The following RBBP8 variants were observed in gnomAD, a reference collection of about 807,000 sequenced individuals.
RBBP8 encodes DNA endonuclease RBBP8.
RBBP8 carries 88 observed loss-of-function variants against 108.3 expected under a neutral mutation model. That is an observed-to-expected ratio of 0.81 (90% CI 0.68 to 0.97). The LOEUF (loss-of-function observed/expected upper bound fraction) is 0.97, where lower values mean the gene tolerates loss of function less well. Among genes scored for constraint, RBBP8 ranks in the 50% least tolerant of loss-of-function variants. The pLI is 0.00. For synonymous variants in RBBP8, 332 were observed against 348.2 expected, an observed-to-expected ratio of 0.95 and a Z score of 0.52; for missense variants, 1,023 against 1,049.0, an observed-to-expected ratio of 0.98 and a Z score of 0.34.
At chr18:22,959,801 G>GCTAGATAGCTTTTGCTTTTCCCCCTCAA (rs1912913748) in intron 4 of RBBP8, among the ~76,000 whole-genome samples, 1 of 150,018 alleles carries the variant, frequency 6.7e-6, no homozygotes, top group South Asian at 2.1e-4. Flanking sequence ...TTCCAGGAAT[G>GCTAGATAGCTTTTGCTTTTCCCCCTCAA]CTAGATAGCT....
At chr18:22,951,386 A>G (rs1208790983) in intron 4 of RBBP8, among the ~76,000 whole-genome samples, 1 of 152,244 alleles carries the variant, frequency 6.6e-6, no homozygotes, top group Admixed American at 6.5e-5. Context: ...ACGACAAACA[A>G]ATGAGACAAT....
intron 17 of RBBP8, among the ~76,000 whole-genome samples, chr18:23,018,473 G>A (rs1400620163): frequency 1.3e-5 from 2 of 152,176 alleles, no homozygotes; most frequent in Non-Finnish European, 2.9e-5. Flanking sequence ...TTGTATCTGT[G>A]GGAAACTGGC....
At chr18:22,943,529 A>G (rs931324116) in intron 2 of RBBP8, among the ~76,000 whole-genome samples, 1 of 152,108 alleles carries the variant, frequency 6.6e-6, no homozygotes, top group Non-Finnish European at 1.5e-5. Context: ...ATCCACAAAA[A>G]TTAATTTACC....
intron 14 of RBBP8, 124 bp downstream of exon 14, chr18:22,997,858 A>G (rs1269212260): frequency 5.5e-6 from 4 of 728,072 alleles, no homozygotes; most frequent in Non-Finnish European, 9.9e-6. Context: ...CTGCTCTGTT[A>G]ACTTTATGTT....
intron 4 of RBBP8, among the ~76,000 whole-genome samples, chr18:22,954,146 T>C (rs774193500): frequency 6.6e-6 from 1 of 152,128 alleles, no homozygotes; most frequent in Non-Finnish European, 1.5e-5. Context: ...CCAAATCTCA[T>C]GTCCTCGCAT....
intron 2 of RBBP8, among the ~76,000 whole-genome samples, chr18:22,941,585 G>A (rs943642718): frequency 6.6e-6 from 1 of 152,060 alleles, no homozygotes; most frequent in Admixed American, 6.5e-5. Context: ...GAAGCATCAA[G>A]AAACAAATGG....
At chr18:23,001,559 G>A in intron 14 of RBBP8, 27 bp from the exon 15 acceptor site, 2 of 1,613,886 alleles carry the variant, frequency 1.2e-6, no homozygotes, top group Non-Finnish European at 1.7e-6. Context: ...CTTGCTTATT[G>A]CCCTAAGCCA....
chr18:23,023,115 C>T (rs1039118015), intron 18 of RBBP8, among the ~76,000 whole-genome samples: 1 of 151,608 alleles, frequency 6.6e-6, no homozygotes, highest in African/African-American at 2.4e-5. Context: ...TCAGGCTGGT[C>T]GTGAACTCCT....
chr18:22,926,120 TC>T (rs1186123042), intron 3 of RBBP8, among the ~76,000 whole-genome samples: 2 of 152,170 alleles, frequency 1.3e-5, no homozygotes, highest in African/African-American at 4.8e-5. Flanking sequence ...GGTGTCCCTT[TC>T]CATTCATAAG....
chr18:22,937,060 C>A, intron 2 of RBBP8, 100 bp downstream of exon 2: 1 of 1,547,576 alleles, frequency 6.5e-7, no homozygotes, highest in South Asian at 1.2e-5. Context: ...TCTATTTCAG[C>A]TTTTAGGTTC....
intron 9 of RBBP8, among the ~76,000 whole-genome samples, chr18:22,990,184 G>T (rs987517768): frequency 6.6e-6 from 1 of 152,150 alleles, no homozygotes; most frequent in Non-Finnish European, 1.5e-5. Context: ...TAGATTAAGG[G>T]AGCTGAAATC....
intron 4 of RBBP8, among the ~76,000 whole-genome samples, chr18:22,960,629 T>A (rs1913013712): frequency 6.6e-6 from 1 of 152,174 alleles, no homozygotes; most frequent in Non-Finnish European, 1.5e-5. Context: ...ACAGTCTCGT[T>A]CAGTCATCCA....
At chr18:23,006,867 ATTTAC>A (rs1362744755) in intron 16 of RBBP8, among the ~76,000 whole-genome samples, 1 of 151,994 alleles carries the variant, frequency 6.6e-6, no homozygotes, top group Non-Finnish European at 1.5e-5. Context: ...AATTAAAATT[ATTTAC>A]TTTATGGTCA....
chr18:23,002,157 G>A (rs1598731327), intron 15 of RBBP8, among the ~76,000 whole-genome samples: 3 of 152,290 alleles, frequency 2.0e-5, no homozygotes, highest in Admixed American at 2.0e-4. Flanking sequence ...GTTCACACCT[G>A]TAATCCCAGC....
Position 23,026,402 on chromosome 18 carries a change from A to C in RBBP8, c.*162A>C. 1 of 668,276 alleles carries C rather than the reference A, an allele frequency of 1.5e-6. No homozygotes were observed. Among genetic ancestry groups the C allele is most frequent in the Non-Finnish European group, 2.6e-6 (1 of 382,412 alleles). 41.4% of individuals were successfully genotyped at this position (668,276 alleles called of 1,614,324 possible). On this transcript the variant is annotated 3_prime_UTR_variant, in exon 19 of 19. Coordinates refer to ENST00000327155, the MANE Select transcript of RBBP8 (RefSeq NM_002894.3). Reference sequence around the variant, plus strand: ...GTGATATTTTGCTTTTGCACCTTTAAAACAATAAGGCGCTTTCATTTTGCA... The same window carrying C: ...GTGATATTTTGCTTTTGCACCTTTACAACAATAAGGCGCTTTCATTTTGCA...
chr18:22,925,550 T>A (rs908533308), intron 3 of RBBP8, among the ~76,000 whole-genome samples: 15 of 152,184 alleles, frequency 9.9e-5, no homozygotes, highest in Non-Finnish European at 1.9e-4. Flanking sequence ...GTGAAGCACA[T>A]AATTACATTA....
At chr18:22,962,753 A>G (rs1209971528) in intron 4 of RBBP8, among the ~76,000 whole-genome samples, 2 of 141,870 alleles carry the variant, frequency 1.4e-5, no homozygotes, top group Admixed American at 7.3e-5. Context: ...GTGTGCCACC[A>G]TGTCCAGCTA....
chr18:22,939,831 G>A (rs1396228335), intron 2 of RBBP8, among the ~76,000 whole-genome samples: 3 of 152,176 alleles, frequency 2.0e-5, no homozygotes, highest in Non-Finnish European at 4.4e-5. Context: ...GGTGTGTGTG[G>A]TTGCATGGGG....
intron 2 of RBBP8, among the ~76,000 whole-genome samples, chr18:22,946,007 A>C (rs963863356): frequency 6.6e-6 from 1 of 152,216 alleles, no homozygotes; most frequent in African/African-American, 2.4e-5. Context: ...GAGATAAAAC[A>C]TTCATGCCTT....
Sources: allele counts gnomAD v4.1 joint callset (sites outside exome capture counted in the v4.1 genomes callset), GRCh38; gene constraint gnomAD v4.1.1; transcripts MANE v1.5; gene names NCBI Gene and HGNC (gene_info 2026-07-23, HGNC 2026-07-21).